The following DCPH1 variants were observed in gnomAD, a reference collection of about 807,000 sequenced individuals.
DCPH1 encodes the protein damage control phosphatase 1.
At chr6:151,468,702 C>A in the DCPH1 span, 2 of 1,614,074 alleles carry the variant, frequency 1.2e-6, no homozygotes, top group Admixed American at 3.3e-5. Flanking sequence ...AGGTAAAACA[C>A]AGTAATCATA....
chr6:151,468,323 T>G, the DCPH1 span: 2 of 1,509,340 alleles, frequency 1.3e-6, no homozygotes, highest in South Asian at 2.7e-5. Flanking sequence ...GGTGAATATT[T>G]TGTACTTTTT....
At chr6:151,454,838 G>A in the DCPH1 span, among the ~76,000 whole-genome samples, 3 of 152,170 alleles carry the variant, frequency 2.0e-5, no homozygotes, top group Non-Finnish European at 2.9e-5. Flanking sequence ...GAAAATGATT[G>A]TGTTCCAATA....
chr6:151,458,639 A>G, the DCPH1 span: 2 of 1,396,698 alleles, frequency 1.4e-6, no homozygotes, highest in African/African-American at 1.4e-5. Flanking sequence ...TTGTAAAAGG[A>G]TAAGTTTAAA....
chr6:151,465,584 A>G, the DCPH1 span, among the ~76,000 whole-genome samples: 1 of 152,204 alleles, frequency 6.6e-6, no homozygotes, highest in Admixed American at 6.5e-5. Context: ...TGTATTAAAT[A>G]AATTTTTACT....
chr6:151,455,417 A>G, the DCPH1 span, among the ~76,000 whole-genome samples: 1 of 152,206 alleles, frequency 6.6e-6, no homozygotes. Context: ...CGAGAGAGGG[A>G]TGTGTCAGGG....
chr6:151,458,178 A>T, the DCPH1 span: 2 of 1,013,850 alleles, frequency 2.0e-6, no homozygotes, highest in African/African-American at 1.6e-5. Context: ...TTTGATTTTC[A>T]GTTTAAGAGT....
At chr6:151,454,446 A>G in the DCPH1 span, 1 of 674,386 alleles carries the variant, frequency 1.5e-6, no homozygotes, top group Non-Finnish European at 2.7e-6. Context: ...TAATAGTTGT[A>G]TGAGGAGTTT....
chr6:151,452,913 G>T, the DCPH1 span: 1 of 272,956 alleles, frequency 3.7e-6, no homozygotes, highest in South Asian at 1.0e-4. Context: ...AAGAGTTGGG[G>T]ATCTCAGCGC....
the DCPH1 span, among the ~76,000 whole-genome samples, chr6:151,460,565 C>A: frequency 3.9e-4 from 59 of 151,880 alleles, no homozygotes; most frequent in African/African-American, 1.4e-3. Flanking sequence ...GCAGGCAGAT[C>A]AAAAGGTCAA....
chr6:151,462,364 A>G, the DCPH1 span, among the ~76,000 whole-genome samples: 2 of 152,168 alleles, frequency 1.3e-5, no homozygotes, highest in South Asian at 4.1e-4. Context: ...TTACTCCTCA[A>G]GGATAACCAT....
chr6:151,465,358 A>G, the DCPH1 span, among the ~76,000 whole-genome samples: 5 of 152,192 alleles, frequency 3.3e-5, no homozygotes, highest in South Asian at 4.1e-4. Flanking sequence ...AGAAAGTGCT[A>G]TGAAGAGAAA....
the DCPH1 span, chr6:151,464,564 T>C: frequency 6.2e-7 from 1 of 1,611,378 alleles, no homozygotes; most frequent in Non-Finnish European, 8.5e-7. Context: ...TGATAAGAAC[T>C]ATTGAAGACC....
At chr6:151,465,368 A>G in the DCPH1 span, among the ~76,000 whole-genome samples, 1 of 152,194 alleles carries the variant, frequency 6.6e-6, no homozygotes, top group South Asian at 2.1e-4. Context: ...ATGAAGAGAA[A>G]TAAAGCAGGA....
chr6:151,453,010 G>A, the DCPH1 span, among the ~76,000 whole-genome samples: 1 of 152,190 alleles, frequency 6.6e-6, no homozygotes, highest in Non-Finnish European at 1.5e-5. Flanking sequence ...TAGTCGTCAC[G>A]CTACTGATTC....
the DCPH1 span, among the ~76,000 whole-genome samples, chr6:151,457,076 C>T: frequency 6.6e-6 from 1 of 152,164 alleles, no homozygotes; most frequent in Non-Finnish European, 1.5e-5. Context: ...TGGCCACTCT[C>T]CTTGGGCCTC....
chr6:151,465,087 G>A, the DCPH1 span, among the ~76,000 whole-genome samples: 2 of 152,192 alleles, frequency 1.3e-5, no homozygotes, highest in Admixed American at 1.3e-4. Context: ...GCTTGCATGT[G>A]AAGTGCTGAG....
the DCPH1 span, among the ~76,000 whole-genome samples, chr6:151,465,335 A>G: frequency 2.6e-5 from 4 of 152,206 alleles, no homozygotes; most frequent in African/African-American, 9.6e-5. Flanking sequence ...GAAGACTTTC[A>G]AAAAGAAATG....
At chr6:151,454,482 T>G in the DCPH1 span, 3 of 788,602 alleles carry the variant, frequency 3.8e-6, no homozygotes, top group South Asian at 4.5e-5. Flanking sequence ...TTCCAGAAAC[T>G]AAAAGATAGC....
chr6:151,458,613 T>C, the DCPH1 span: 1 of 1,498,602 alleles, frequency 6.7e-7, no homozygotes, highest in Non-Finnish European at 9.0e-7. Context: ...TTAGATAATT[T>C]ATACTTTTTC....
Sources: gnomAD v4.1 joint callset for allele counts (sites outside exome capture counted in the v4.1 genomes callset) on GRCh38, gnomAD v4.1.1 for gene constraint, MANE v1.5 for transcripts, NCBI Gene and HGNC (gene_info 2026-07-23, HGNC 2026-07-21) for gene names.